Variants in APBA2 observed in about 807,000 individuals in gnomAD.
APBA2 encodes the protein amyloid-beta A4 precursor protein-binding family A member 2.
A neutral mutation model predicts 75.0 loss-of-function variants in APBA2; 30 were observed. That is an observed-to-expected ratio of 0.40 (90% CI 0.30 to 0.54). APBA2 has a LOEUF of 0.54. Ranked by LOEUF, APBA2 falls within the 20% of genes least tolerant of loss-of-function variation. The pLI is 0.49. For synonymous variants in APBA2, 444 were observed against 409.6 expected, an observed-to-expected ratio of 1.08 and a Z score of -1.01; for missense variants, 801 against 1,016.1, an observed-to-expected ratio of 0.79 and a Z score of 2.88.
At chr15:29,001,387 C>A (rs144622043) in intron 3 of APBA2, among the ~76,000 whole-genome samples, 11 of 152,146 alleles carry the variant, frequency 7.2e-5, no homozygotes, top group Non-Finnish European at 1.2e-4. Context: ...ATTTTAAAAT[C>A]TTTTGTAGAG....
At chr15:28,972,481 T>A (rs2037117810) in intron 2 of APBA2, among the ~76,000 whole-genome samples, 1 of 152,166 alleles carries the variant, frequency 6.6e-6, no homozygotes, top group Non-Finnish European at 1.5e-5. Context: ...CAAAGGAAAT[T>A]TACAGAGTTG....
At chr15:29,025,061 ATAC>A (rs1356817929) in intron 3 of APBA2, among the ~76,000 whole-genome samples, 1 of 152,182 alleles carries the variant, frequency 6.6e-6, no homozygotes, top group African/African-American at 2.4e-5. Flanking sequence ...CTTGGCAAGA[ATAC>A]TTCATAAGCG....
At chr15:29,040,917 A>G (rs564786465) in intron 3 of APBA2, among the ~76,000 whole-genome samples, 1 of 152,340 alleles carries the variant, frequency 6.6e-6, no homozygotes, top group Non-Finnish European at 1.5e-5. Context: ...GATGACATAG[A>G]TGTTGAAATT....
At chr15:29,106,902 C>A in intron 12 of APBA2, 83 bp downstream of exon 12, 2 of 1,309,624 alleles carry the variant, frequency 1.5e-6, no homozygotes, top group Non-Finnish European at 2.2e-6. Flanking sequence ...CCCCACTTCA[C>A]TGCAATCCCC....
intron 3 of APBA2, among the ~76,000 whole-genome samples, chr15:29,005,202 C>G (rs1206681757): frequency 6.6e-6 from 1 of 152,210 alleles, no homozygotes; most frequent in African/African-American, 2.4e-5. Context: ...TTACCCTGAG[C>G]AGACTGCTTG....
At chr15:28,987,752 A>G (rs1256589834) in intron 2 of APBA2, among the ~76,000 whole-genome samples, 3 of 137,914 alleles carry the variant, frequency 2.2e-5, no homozygotes, top group Non-Finnish European at 4.6e-5. Context: ...ATATATATAT[A>G]TTCTTTTTTT....
chr15:29,098,733 A>C (rs1387799691), intron 9 of APBA2, among the ~76,000 whole-genome samples, 157 bp downstream of exon 9: 1 of 152,186 alleles, frequency 6.6e-6, no homozygotes, highest in Non-Finnish European at 1.5e-5. Context: ...AGGAGCAAGG[A>C]GCGCACAGCA....
intron 1 of APBA2, 149 bp downstream of exon 1, chr15:28,886,427 G>C (rs2031727455): frequency 6.6e-6 from 1 of 151,156 alleles, no homozygotes; most frequent in Non-Finnish European, 1.5e-5. Flanking sequence ...CAGCGTGGCT[G>C]CGGGGCGGCC....
intron 3 of APBA2, among the ~76,000 whole-genome samples, chr15:29,012,555 G>T (rs1253582639): frequency 6.6e-6 from 1 of 152,182 alleles, no homozygotes; most frequent in Admixed American, 6.5e-5. Context: ...ATTCTGCACA[G>T]GGAGATTGGT....
intron 4 of APBA2, chr15:29,070,915 G>A (rs77014354): frequency 8.9e-5 from 30 of 338,890 alleles, no homozygotes; most frequent in African/African-American, 5.0e-4. Context: ...GGAGTCATTC[G>A]TCCGCCCAGG....
intron 3 of APBA2, among the ~76,000 whole-genome samples, chr15:29,018,423 C>T (rs2039787269): frequency 6.6e-6 from 1 of 152,152 alleles, no homozygotes; most frequent in African/African-American, 2.4e-5. Flanking sequence ...ATTATATATC[C>T]CTACAGAGAC....
chr15:29,072,670 T>C (rs1290297697), intron 4 of APBA2, among the ~76,000 whole-genome samples: 1 of 151,884 alleles, frequency 6.6e-6, no homozygotes, highest in Non-Finnish European at 1.5e-5. Context: ...TGGGTTTTGC[T>C]CCTGGGATGC....
intron 3 of APBA2, among the ~76,000 whole-genome samples, chr15:29,018,918 A>T (rs867408759): frequency 6.6e-6 from 1 of 152,134 alleles, no homozygotes; most frequent in Non-Finnish European, 1.5e-5. Flanking sequence ...TAACTGGGAC[A>T]TGAGGATCCT....
Position 29,054,856 on chromosome 15 carries a change from G to C in APBA2, c.951+21G>C, listed in dbSNP as rs2041808705. 6.3e-7 allele frequency: 1 copy of C among 1,590,168 alleles called. No homozygotes were observed. The highest frequency in any genetic ancestry group is 8.5e-7 in the Non-Finnish European group (1 of 1,175,352). On this transcript the variant is annotated intron_variant, in intron 4 of 14. Coordinates refer to ENST00000683413, the MANE Select transcript of APBA2 (RefSeq NM_001353788.2). This position sits in a 1 kb window ranked among gnomAD's most constrained non-coding sequence, Gnocchi z 6.1. ...AGCAGGTAGGACCCTGGCTGTCCTG[G>C]GGAAGGGAGCAGAGGGGCCCGAGAG...
At chr15:29,002,077 C>T (rs2038878219) in intron 3 of APBA2, among the ~76,000 whole-genome samples, 1 of 152,194 alleles carries the variant, frequency 6.6e-6, no homozygotes, top group South Asian at 2.1e-4. Context: ...TACTGCCCGT[C>T]TTGGACACTC....
chr15:29,098,321 T>A lies in APBA2; in HGVS notation c.1252-169T>A, dbSNP rs1170568481. ...CCACGCCAGTGCTTCTTATCTTTTA[T>A]CTTTTTGACGAGAGCCATTCTGACA... is the stretch of plus-strand genomic sequence containing the variant. On this transcript the variant is annotated intron_variant, in intron 8 of 14. Coordinates refer to ENST00000683413, the MANE Select transcript of APBA2 (RefSeq NM_001353788.2). 9.2e-5 allele frequency among the ~76,000 whole-genome samples: 14 copies of A among 152,350 alleles called. 1 individual carries two copies. The highest frequency in any genetic ancestry group is 6.2e-4 in the South Asian group (3 of 4,830).
chr15:28,942,723 A>G (rs1540641), intron 2 of APBA2, among the ~76,000 whole-genome samples: 30,943 of 152,112 alleles, frequency 0.2, 5,114 homozygotes, highest in African/African-American at 0.46. Context: ...CCTGGGAGGT[A>G]TCCTTACCCC....
At chr15:28,960,479 G>A (rs1047662264) in intron 2 of APBA2, among the ~76,000 whole-genome samples, 11 of 150,272 alleles carry the variant, frequency 7.3e-5, no homozygotes, top group African/African-American at 2.7e-4. Context: ...AAAAAAAAGA[G>A]CACTTTGAAT....
In APBA2 at chr15:28,917,375, C is replaced by T. The variant is rs923785725; in HGVS notation, c.-204-4265C>T. The stretch of plus-strand genomic sequence containing the variant: ...CCCTCCAGGGCTCCTTCCTAGGGTC[C>T]GGCTTGCACTGCATTCTGGGAGAAT... On this transcript the variant is annotated intron_variant, in intron 1 of 14. Transcript: ENST00000683413. Among the ~76,000 whole-genome samples the T allele has an allele frequency of 1.1e-4, 16 of 152,316 alleles. No homozygotes were observed. The East Asian group carries it at 2.7e-3, about 26-fold the overall frequency.
Sources: allele counts gnomAD v4.1 joint callset (sites outside exome capture counted in the v4.1 genomes callset), GRCh38; gene constraint gnomAD v4.1.1; non-coding constraint Gnocchi (gnomAD v3.1); transcripts MANE v1.5; gene names NCBI Gene and HGNC (gene_info 2026-07-23, HGNC 2026-07-21).